Variants in TRPM3 observed in about 807,000 individuals in gnomAD.
TRPM3 encodes transient receptor potential cation channel subfamily M member 3.
In TRPM3, 77 loss-of-function variants were observed where a neutral mutation model predicts 181.2. The ratio of observed to expected loss-of-function variants is 0.42; its 90% CI spans 0.35 to 0.51. The LOEUF (loss-of-function observed/expected upper bound fraction) is 0.51, where lower values mean the gene tolerates loss of function less well. Ranked by LOEUF, TRPM3 falls within the 20% of genes least tolerant of loss-of-function variation. The pLI is 0.01. For synonymous variants in TRPM3, 745 were observed against 796.4 expected (o/e 0.94, Z 1.09); for missense variants, 1,759 against 2,196.7 (o/e 0.80, Z 3.98).
intron 6 of TRPM3, among the ~76,000 whole-genome samples, chr9:70,803,143 G>C (rs1387484232): frequency 6.6e-6 from 1 of 151,164 alleles, no homozygotes; most frequent in Non-Finnish European, 1.5e-5. Flanking sequence ...GAGCAGATGA[G>C]ATGCGGAAGA....
chr9:71,191,408 A>T (rs1341584459), intron 1 of TRPM3, among the ~76,000 whole-genome samples: 1 of 151,816 alleles, frequency 6.6e-6, no homozygotes, highest in Non-Finnish European at 1.5e-5. Flanking sequence ...TCCACAGCTA[A>T]CCTCTCCAGC....
chr9:71,254,238 A>G (rs1002264720), intron 1 of TRPM3, among the ~76,000 whole-genome samples: 4 of 152,152 alleles, frequency 2.6e-5, no homozygotes, highest in Non-Finnish European at 2.9e-5. Flanking sequence ...ATTTTAAGTG[A>G]GATAAACCAA....
intron 1 of TRPM3, among the ~76,000 whole-genome samples, chr9:71,420,407 A>G (rs896688313): frequency 2.0e-5 from 3 of 151,954 alleles, no homozygotes; most frequent in African/African-American, 7.2e-5. Context: ...AGAGAAAGCT[A>G]GCAGAATATG....
chr9:71,431,771 T>C (rs1048250359), intron 1 of TRPM3, among the ~76,000 whole-genome samples: 14 of 152,342 alleles, frequency 9.2e-5, no homozygotes, highest in Admixed American at 7.2e-4. Flanking sequence ...GGAATGATGA[T>C]GAAAGATTAC....
chr9:70,839,593 T>C (rs1014618038), intron 5 of TRPM3, among the ~76,000 whole-genome samples: 1 of 152,176 alleles, frequency 6.6e-6, no homozygotes. Context: ...ATATTTTCCA[T>C]CAGTTTGGAA....
intron 7 of TRPM3, among the ~76,000 whole-genome samples, chr9:70,771,479 C>T (rs2080254688): frequency 6.6e-6 from 1 of 152,050 alleles, no homozygotes; most frequent in Admixed American, 6.6e-5. Flanking sequence ...TCTCTCCTTC[C>T]CTTCCCTCTT....
intron 1 of TRPM3, among the ~76,000 whole-genome samples, chr9:71,381,241 A>T (rs188646205): frequency 7.6e-4 from 116 of 152,288 alleles, no homozygotes; most frequent in Admixed American, 2.7e-3. Flanking sequence ...AAGAAAATTG[A>T]AATTAAATCT....
At chr9:71,384,958 T>C (rs921912126) in intron 1 of TRPM3, among the ~76,000 whole-genome samples, 2 of 152,224 alleles carry the variant, frequency 1.3e-5, no homozygotes, top group African/African-American at 4.8e-5. Flanking sequence ...TAATGGACTC[T>C]GAAGTTTATC....
chr9:71,416,514 A>G (rs942620972), intron 1 of TRPM3, among the ~76,000 whole-genome samples: 5 of 152,030 alleles, frequency 3.3e-5, no homozygotes, highest in Non-Finnish European at 7.4e-5. Flanking sequence ...GGTTTCCTGG[A>G]TAATGTTTCC....
chr9:70,661,364 C>T (rs2061112784), intron 9 of TRPM3, among the ~76,000 whole-genome samples: 1 of 151,926 alleles, frequency 6.6e-6, no homozygotes, highest in Admixed American at 6.6e-5. Flanking sequence ...AAGCATTCTC[C>T]CTGAGAACAG....
Position 70,536,636 on chromosome 9 carries a change from C to T in TRPM3, c.4477G>A (p.Glu1493Lys), listed in dbSNP as rs150378459. ...SFSSDYTHLP[E>K]CQNPWDSEPP... ...TCTGAGTCCCAGGGGTTTTGGCATT[C>T]TGGGAGGTGGGTGTAGTCTGAAGAA... Residue 1493 changes from glutamate (E) to lysine (K), a missense_variant, in exon 26 of 26, where the codon GAA becomes AAA. Glu to Lys is a moderately conservative substitution (Grantham distance 56). Transcript: ENST00000677713. 8.1e-6 allele frequency: 13 copies of T among 1,613,904 alleles called. No individual in the cohort carries two copies. The Admixed American group carries it at 1.3e-4, about 17-fold the overall frequency.
At chr9:71,061,860 G>A (rs755943108) in intron 1 of TRPM3, among the ~76,000 whole-genome samples, 3 of 152,036 alleles carry the variant, frequency 2.0e-5, no homozygotes, top group Non-Finnish European at 4.4e-5. Context: ...TATGACTGTA[G>A]GAATCTTGGG....
intron 1 of TRPM3, among the ~76,000 whole-genome samples, chr9:71,130,711 A>C (rs2074316551): frequency 6.6e-6 from 1 of 152,254 alleles, no homozygotes; most frequent in South Asian, 2.1e-4. Context: ...TAAATGGTAC[A>C]TGCGTTGGCA....
chr9:70,656,335 A>T (rs1254727200), intron 9 of TRPM3, among the ~76,000 whole-genome samples: 2 of 152,252 alleles, frequency 1.3e-5, no homozygotes, highest in African/African-American at 4.8e-5. Context: ...AAACAACTAC[A>T]TCTTGAATTT....
At chr9:70,912,717 A>C (rs1381460399) in intron 1 of TRPM3, among the ~76,000 whole-genome samples, 1 of 152,182 alleles carries the variant, frequency 6.6e-6, no homozygotes, top group Non-Finnish European at 1.5e-5. Flanking sequence ...AACACAATAC[A>C]TGATGAGAAG....
intron 8 of TRPM3, among the ~76,000 whole-genome samples, chr9:70,749,045 T>C (rs2075679065): frequency 6.6e-6 from 1 of 151,770 alleles, no homozygotes; most frequent in African/African-American, 2.4e-5. Flanking sequence ...TGTATTTTTT[T>C]TGTGGAGATA....
intron 1 of TRPM3, among the ~76,000 whole-genome samples, chr9:70,985,155 G>A (rs904798135): frequency 2.0e-5 from 3 of 152,208 alleles, no homozygotes; most frequent in African/African-American, 7.2e-5. Context: ...CTGCAGCAGA[G>A]GCAATTGGAG....
At chr9:70,677,096 C>A (rs2064188567) in intron 9 of TRPM3, among the ~76,000 whole-genome samples, 1 of 151,972 alleles carries the variant, frequency 6.6e-6, no homozygotes, top group Non-Finnish European at 1.5e-5. Context: ...GGACACTGGA[C>A]CAAAGTGAGA....
intron 1 of TRPM3, among the ~76,000 whole-genome samples, chr9:71,088,948 T>C (rs1337547950): frequency 6.6e-6 from 1 of 151,724 alleles, no homozygotes; most frequent in Non-Finnish European, 1.5e-5. Context: ...AAAGAGGAGA[T>C]AGCTTCTGAT....
Sources: gnomAD v4.1 joint callset for allele counts (sites outside exome capture counted in the v4.1 genomes callset) on GRCh38, gnomAD v4.1.1 for gene constraint, MANE v1.5 for transcripts, NCBI Gene and HGNC (gene_info 2026-07-23, HGNC 2026-07-21) for gene names.